The following LRFN5 variants were observed in gnomAD, a reference collection of about 807,000 sequenced individuals.
LRFN5 encodes leucine-rich repeat and fibronectin type-III domain-containing protein 5.
Under a neutral mutation model 45.6 loss-of-function variants are expected in LRFN5, and 24 were observed. That is an observed-to-expected ratio of 0.53 (90% CI 0.38 to 0.74). LRFN5 has a LOEUF of 0.74. Ranked by LOEUF, LRFN5 falls within the 30% of genes least tolerant of loss-of-function variation. LRFN5 has a pLI of 0.00. For synonymous variants in LRFN5, 340 were observed against 313.8 expected (o/e 1.08, Z -0.88); for missense variants, 776 against 861.5 (o/e 0.90, Z 1.24).
chr14:41,658,990 C>G (rs892878029), intron 1 of LRFN5, among the ~76,000 whole-genome samples: 2 of 151,648 alleles, frequency 1.3e-5, no homozygotes, highest in African/African-American at 2.4e-5. Flanking sequence ...TTCTTTTTTT[C>G]TTAGCCCCTA....
chr14:41,783,193 G>T (rs1045319755), intron 2 of LRFN5, among the ~76,000 whole-genome samples: 3 of 151,912 alleles, frequency 2.0e-5, no homozygotes, highest in Admixed American at 2.0e-4. Context: ...CAGATCGGTG[G>T]GTTTATGAAC....
chr14:41,782,161 A>C (rs1304266396), intron 2 of LRFN5, among the ~76,000 whole-genome samples: 2 of 151,566 alleles, frequency 1.3e-5, no homozygotes, highest in African/African-American at 4.8e-5. Context: ...AGACTTTTTT[A>C]ATGTTTAACC....
At chr14:41,631,228 A>G (rs1193427774) in intron 1 of LRFN5, among the ~76,000 whole-genome samples, 2 of 151,874 alleles carry the variant, frequency 1.3e-5, no homozygotes, top group Non-Finnish European at 2.9e-5. Flanking sequence ...AGACAGAATT[A>G]TTTGGCTTCC....
intron 2 of LRFN5, among the ~76,000 whole-genome samples, chr14:41,793,150 A>G (rs56657321): frequency 4.1e-5 from 6 of 147,194 alleles, no homozygotes; most frequent in African/African-American, 1.5e-4. Context: ...AAGTATAATT[A>G]AAAAAAAAAG....
At chr14:41,753,079 T>C (rs1043579754) in intron 1 of LRFN5, among the ~76,000 whole-genome samples, 1 of 152,174 alleles carries the variant, frequency 6.6e-6, no homozygotes, top group East Asian at 1.9e-4. Flanking sequence ...TAGTTGTAGA[T>C]ATGCGGCATT....
rs1887759473 is a variant in LRFN5, at chr14:41,812,184, CATATGTACTTGTAT to C, written c.-21+45160_-21+45173del. ...ACTGAGTTATTACCTTACACAAATC[CATATGTACTTGTAT>C]ATATTCCAAAATGATATCAGAGAAA... On this transcript the variant is annotated intron_variant, in intron 2 of 5. Coordinates refer to ENST00000298119, the MANE Select transcript of LRFN5 (RefSeq NM_152447.5). 2.0e-5 allele frequency among the ~76,000 whole-genome samples: 3 copies of C among 151,986 alleles called. No individual in the cohort carries two copies. In the South Asian group the frequency reaches 6.2e-4, roughly 32 times the overall value.
At chr14:41,675,409 C>G (rs1164855857) in intron 1 of LRFN5, among the ~76,000 whole-genome samples, 1 of 152,212 alleles carries the variant, frequency 6.6e-6, no homozygotes. Flanking sequence ...GAGACCAGCC[C>G]GGCCAACACA....
chr14:41,875,584 CTT>C (rs1470401914), intron 2 of LRFN5, among the ~76,000 whole-genome samples: 3 of 152,158 alleles, frequency 2.0e-5, no homozygotes, highest in African/African-American at 7.2e-5. Flanking sequence ...ATCACTCTCT[CTT>C]GTATGAGGTG....
intron 1 of LRFN5, among the ~76,000 whole-genome samples, chr14:41,632,545 G>A (rs1019273478): frequency 2.6e-5 from 4 of 152,132 alleles, no homozygotes; most frequent in East Asian, 1.9e-4. Context: ...GGAGGTTGCC[G>A]TGAGCCGAGA....
chr14:41,709,736 CA>C (rs545092848), intron 1 of LRFN5, among the ~76,000 whole-genome samples: 125 of 151,796 alleles, frequency 8.2e-4, no homozygotes, highest in African/African-American at 2.9e-3. Context: ...GCCAAAATAG[CA>C]TAATAGGAAA....
intron 2 of LRFN5, among the ~76,000 whole-genome samples, chr14:41,843,658 T>C (rs1334926532): frequency 6.6e-6 from 1 of 152,120 alleles, no homozygotes; most frequent in Non-Finnish European, 1.5e-5. Flanking sequence ...TCCAGCACCA[T>C]TTACCAAAAA....
At chr14:41,775,802 T>A (rs890740372) in intron 2 of LRFN5, among the ~76,000 whole-genome samples, 1 of 152,222 alleles carries the variant, frequency 6.6e-6, no homozygotes, top group Non-Finnish European at 1.5e-5. Context: ...TTATATGTAA[T>A]TTTAAATTAA....
intron 2 of LRFN5, among the ~76,000 whole-genome samples, chr14:41,811,296 A>G (rs1389202086): frequency 6.6e-6 from 1 of 152,088 alleles, no homozygotes; most frequent in Non-Finnish European, 1.5e-5. Flanking sequence ...ATGTCGAGAA[A>G]TTAGGATTCT....
intron 2 of LRFN5, among the ~76,000 whole-genome samples, chr14:41,835,933 T>TA (rs35558917): frequency 0.17 from 24,151 of 146,348 alleles, 2,081 homozygotes; most frequent in Non-Finnish European, 0.19. Context: ...TCTTTTTTTT[T>TA]AAAAAAAAAA....
At chr14:41,644,096 G>A (rs1879704561) in intron 1 of LRFN5, among the ~76,000 whole-genome samples, 2 of 152,198 alleles carry the variant, frequency 1.3e-5, no homozygotes. Context: ...GAAAATGAAA[G>A]TGTGTTTTTG....
At chr14:41,628,786 G>A (rs903103887) in intron 1 of LRFN5, among the ~76,000 whole-genome samples, 11 of 152,130 alleles carry the variant, frequency 7.2e-5, no homozygotes, top group African/African-American at 2.2e-4. Flanking sequence ...GGATTTGCAC[G>A]TGTGGGGACT....
intron 1 of LRFN5, among the ~76,000 whole-genome samples, chr14:41,665,620 TA>T (rs1880859715): frequency 6.6e-6 from 1 of 152,070 alleles, no homozygotes; most frequent in Non-Finnish European, 1.5e-5. Context: ...TAAACTTTAC[TA>T]TAATAGTATC....
intron 2 of LRFN5, among the ~76,000 whole-genome samples, chr14:41,857,273 G>A (rs1195024842): frequency 6.6e-6 from 1 of 152,088 alleles, no homozygotes; most frequent in African/African-American, 2.4e-5. Flanking sequence ...CAGTGGTAGA[G>A]CCATGCTTTG....
intron 1 of LRFN5, among the ~76,000 whole-genome samples, chr14:41,719,082 T>G (rs1399685751): frequency 6.6e-6 from 1 of 152,116 alleles, no homozygotes; most frequent in Non-Finnish European, 1.5e-5. Context: ...TTGTGAACTG[T>G]CCTTTCTCTG....
Sources: gnomAD v4.1 joint callset for allele counts (sites outside exome capture counted in the v4.1 genomes callset) on GRCh38, gnomAD v4.1.1 for gene constraint, MANE v1.5 for transcripts, NCBI Gene and HGNC (gene_info 2026-07-23, HGNC 2026-07-21) for gene names.